KCNIP4: variants seen among roughly 807,000 people sequenced by gnomAD.
KCNIP4 encodes the protein potassium voltage-gated channel interacting protein 4.
A neutral mutation model predicts 34.0 loss-of-function variants in KCNIP4; 12 were observed. The ratio of observed to expected loss-of-function variants is 0.35; its 90% confidence interval spans 0.23 to 0.57. The LOEUF (loss-of-function observed/expected upper bound fraction) is 0.57. KCNIP4 is among the 20% of genes least tolerant of loss of function. The probability of loss-of-function intolerance (pLI) is 0.83; values close to 1 mark genes in which losing one functional copy is unlikely to be tolerated. For missense variants in KCNIP4, 238 were observed against 311.7 expected (o/e 0.76, Z 1.78); for synonymous variants, 124 against 102.2 (o/e 1.21, Z -1.29).
intron 1 of KCNIP4, among the ~76,000 whole-genome samples, chr4:20,945,030 T>G (rs1732047871): frequency 6.6e-6 from 1 of 152,218 alleles, no homozygotes; most frequent in East Asian, 1.9e-4. Context: ...TCTTCTTGAA[T>G]TCTACCACAT....
At chr4:20,920,882 G>A (rs559302892) in intron 1 of KCNIP4, among the ~76,000 whole-genome samples, 13 of 152,020 alleles carry the variant, frequency 8.6e-5, no homozygotes, top group South Asian at 2.1e-4. Flanking sequence ...TCAGCTACTC[G>A]GGAGGCTGAG....
intron 1 of KCNIP4, among the ~76,000 whole-genome samples, chr4:21,321,528 A>C (rs1419143763): frequency 6.6e-6 from 1 of 152,102 alleles, no homozygotes; most frequent in Non-Finnish European, 1.5e-5. Context: ...GACAATACGA[A>C]GAAGGCTTTT....
At chr4:20,838,992 C>T (rs779290285) in intron 3 of KCNIP4, among the ~76,000 whole-genome samples, 25 of 152,160 alleles carry the variant, frequency 1.6e-4, no homozygotes, top group Non-Finnish European at 3.4e-4. Context: ...TTTGCAAAAT[C>T]CCAGTGAGGG....
At chr4:21,141,112 T>C (rs1212618287) in intron 1 of KCNIP4, among the ~76,000 whole-genome samples, 1 of 152,204 alleles carries the variant, frequency 6.6e-6, no homozygotes, top group Non-Finnish European at 1.5e-5. Context: ...TAGTATACTG[T>C]AGTTTATTGT....
intron 1 of KCNIP4, among the ~76,000 whole-genome samples, chr4:20,886,342 GAAGTGGCAGAGA>G (rs2149529994): frequency 6.6e-6 from 1 of 152,344 alleles, no homozygotes; most frequent in East Asian, 1.9e-4. Context: ...TCACTGAGCT[GAAGTGGCAGAGA>G]TTAGAGTTCC....
At chr4:20,845,773 C>T (rs953252413) in intron 3 of KCNIP4, among the ~76,000 whole-genome samples, 1 of 152,118 alleles carries the variant, frequency 6.6e-6, no homozygotes, top group African/African-American at 2.4e-5. Context: ...CTAGGGGCTG[C>T]GTGGCCCTAC....
chr4:21,726,442 T>C (rs1392539771), intron 1 of KCNIP4, among the ~76,000 whole-genome samples: 4 of 151,874 alleles, frequency 2.6e-5, no homozygotes, highest in African/African-American at 9.7e-5. Flanking sequence ...CAGAGGAGGG[T>C]GAGTAATTTT....
intron 1 of KCNIP4, among the ~76,000 whole-genome samples, chr4:21,116,226 A>G (rs1315602074): frequency 6.6e-6 from 1 of 152,224 alleles, no homozygotes; most frequent in African/African-American, 2.4e-5. Context: ...TTCAGGTCCC[A>G]CAAACCTTAA....
At chr4:21,644,266 T>C (rs1746845535) in intron 1 of KCNIP4, among the ~76,000 whole-genome samples, 1 of 152,080 alleles carries the variant, frequency 6.6e-6, no homozygotes, top group Non-Finnish European at 1.5e-5. Flanking sequence ...AAATCAAATC[T>C]AATATTACTT....
chr4:21,746,250 C>T (rs1350222122), intron 1 of KCNIP4, among the ~76,000 whole-genome samples: 4 of 152,122 alleles, frequency 2.6e-5, no homozygotes, highest in African/African-American at 9.7e-5. Flanking sequence ...AGGTGTTCAA[C>T]ATATGTATTG....
intron 1 of KCNIP4, among the ~76,000 whole-genome samples, chr4:21,320,964 T>TTAAAAAAAAAAAAAAAAAAAAAA (rs1553860312): frequency 7.8e-4 from 80 of 102,864 alleles, no homozygotes; most frequent in Middle Eastern, 5.3e-3. Flanking sequence ...GAATCTGTCT[T>TTAAAAAAAAAAAAAAAAAAAAAA]AAAAAAAAAA....
chr4:20,872,360 G>C (rs977951983), intron 2 of KCNIP4, among the ~76,000 whole-genome samples: 14 of 152,038 alleles, frequency 9.2e-5, no homozygotes, highest in African/African-American at 3.4e-4. Flanking sequence ...AAATAAAGAT[G>C]GACCAATATT....
At chr4:20,831,129 C>T (rs951269005) in intron 3 of KCNIP4, among the ~76,000 whole-genome samples, 4 of 152,112 alleles carry the variant, frequency 2.6e-5, no homozygotes, top group African/African-American at 9.7e-5. Flanking sequence ...AAGCATGAAA[C>T]ATTTTTGTGT....
chr4:21,837,818 T>G (rs574976804), intron 1 of KCNIP4, among the ~76,000 whole-genome samples: 20 of 152,292 alleles, frequency 1.3e-4, no homozygotes, highest in African/African-American at 4.3e-4. Flanking sequence ...TAATCCAAGC[T>G]GATTATCTGC....
chr4:21,735,693 T>C (rs1351755453), intron 1 of KCNIP4, among the ~76,000 whole-genome samples: 2 of 152,152 alleles, frequency 1.3e-5, no homozygotes, highest in African/African-American at 4.8e-5. Context: ...CCTAGGTCCC[T>C]ATCTACTCTT....
intron 1 of KCNIP4, among the ~76,000 whole-genome samples, chr4:21,383,207 G>C (rs1721683985): frequency 6.6e-6 from 1 of 152,150 alleles, no homozygotes; most frequent in African/African-American, 2.4e-5. Context: ...TGGACATGCA[G>C]CCTCCAGAAC....
chr4:21,538,117 T>C (rs964168975), intron 1 of KCNIP4, among the ~76,000 whole-genome samples: 2 of 150,792 alleles, frequency 1.3e-5, no homozygotes, highest in Non-Finnish European at 1.5e-5. Context: ...ATTGGAGCGA[T>C]GCATTTATAA....
intron 1 of KCNIP4, among the ~76,000 whole-genome samples, chr4:21,681,397 G>A (rs940358103): frequency 6.6e-6 from 1 of 151,656 alleles, no homozygotes; most frequent in Non-Finnish European, 1.5e-5. Flanking sequence ...ATGAGCCACC[G>A]TGCCCAGCCA....
chr4:21,569,384 A>T (rs1032319706), intron 1 of KCNIP4, among the ~76,000 whole-genome samples: 5 of 151,956 alleles, frequency 3.3e-5, no homozygotes, highest in Non-Finnish European at 5.9e-5. Flanking sequence ...AAAACTGCTT[A>T]CCATGAGTGC....
Sources: allele counts gnomAD v4.1 joint callset (sites outside exome capture counted in the v4.1 genomes callset), GRCh38; gene constraint gnomAD v4.1.1; transcripts MANE v1.5; gene names NCBI Gene and HGNC (gene_info 2026-07-23, HGNC 2026-07-21).